The following MMRN1 variants were observed in gnomAD, a reference collection of about 807,000 sequenced individuals.
MMRN1 encodes the protein multimerin 1.
In MMRN1, 94 loss-of-function variants were observed where a neutral mutation model predicts 100.7. The observed-to-expected ratio is 0.93, with a 90% CI of 0.79 to 1.11. The LOEUF is 1.11. Ranked by LOEUF, MMRN1 falls within the 50% of genes least tolerant of loss-of-function variation. The pLI, the probability that MMRN1 is intolerant of heterozygous loss-of-function variation, is 0.00. For missense variants in MMRN1, 1,606 were observed against 1,439.1 expected (o/e 1.12, Z -1.88); for synonymous variants, 575 against 505.0 (o/e 1.14, Z -1.86).
chr4:89,932,745 C>G (rs1722482258), intron 5 of MMRN1, among the ~76,000 whole-genome samples: 3 of 152,228 alleles, frequency 2.0e-5, no homozygotes, highest in African/African-American at 4.8e-5. Context: ...CTTGAAACAG[C>G]ACAAAGCAGC....
At chr4:89,888,639 C>G (rs929512527) in intron 1 of MMRN1, among the ~76,000 whole-genome samples, 1 of 151,884 alleles carries the variant, frequency 6.6e-6, no homozygotes, top group South Asian at 2.1e-4. Flanking sequence ...ACATATTCAT[C>G]TTTTTTGTGT....
At chr4:89,924,530 A>G (rs1722184631) in intron 4 of MMRN1, among the ~76,000 whole-genome samples, 1 of 151,350 alleles carries the variant, frequency 6.6e-6, no homozygotes, top group South Asian at 2.1e-4. Context: ...ATATATATAT[A>G]TTAATTTTTA....
intron 1 of MMRN1, among the ~76,000 whole-genome samples, chr4:89,883,299 C>G (rs899215971): frequency 6.6e-6 from 1 of 152,012 alleles, no homozygotes; most frequent in Admixed American, 6.6e-5. Flanking sequence ...GAATTTTCAA[C>G]TTTATAATTG....
chr4:89,881,334 G>A (rs1720810129), intron 1 of MMRN1, among the ~76,000 whole-genome samples: 1 of 151,978 alleles, frequency 6.6e-6, no homozygotes, highest in South Asian at 2.1e-4. Flanking sequence ...TTAAATGTAG[G>A]ACCTGCTTAT....
At chr4:89,902,495 A>C (rs1721424906) in intron 1 of MMRN1, among the ~76,000 whole-genome samples, 1 of 151,936 alleles carries the variant, frequency 6.6e-6, no homozygotes, top group Non-Finnish European at 1.5e-5. Flanking sequence ...AAATTGGAAA[A>C]TAGGTTGGAT....
chr4:89,917,453 C>A (rs1721957110), intron 3 of MMRN1, among the ~76,000 whole-genome samples: 1 of 151,690 alleles, frequency 6.6e-6, no homozygotes, highest in African/African-American at 2.4e-5. Context: ...GGGGCAGCAG[C>A]CACAGTCAAT....
intron 6 of MMRN1, among the ~76,000 whole-genome samples, chr4:89,944,904 G>A (rs1722940646): frequency 6.6e-6 from 1 of 152,134 alleles, no homozygotes; most frequent in Non-Finnish European, 1.5e-5. Context: ...AATGTTGATA[G>A]ATAGCCTATG....
At chr4:89,939,937 A>T (rs1246480529) in intron 6 of MMRN1, among the ~76,000 whole-genome samples, 1 of 152,088 alleles carries the variant, frequency 6.6e-6, no homozygotes, top group East Asian at 1.9e-4. Context: ...TAGTCACAAG[A>T]TCTTCCTTTG....
intron 2 of MMRN1, 125 bp from the exon 3 acceptor site, chr4:89,911,819 G>A: frequency 3.2e-6 from 2 of 624,804 alleles, no homozygotes; most frequent in South Asian, 3.8e-5. Flanking sequence ...GATTATAACA[G>A]CCGATACTAA....
chr4:89,938,087 G>A (rs1022355893), intron 6 of MMRN1, among the ~76,000 whole-genome samples: 2 of 151,654 alleles, frequency 1.3e-5, no homozygotes, highest in African/African-American at 2.4e-5. Flanking sequence ...TAATTACAAA[G>A]GATGATCATT....
At chr4:89,942,709 T>C (rs1194337566) in intron 6 of MMRN1, among the ~76,000 whole-genome samples, 1 of 152,114 alleles carries the variant, frequency 6.6e-6, no homozygotes, top group Non-Finnish European at 1.5e-5. Context: ...TCAATATTAA[T>C]AAATCTAAAC....
chr4:89,951,588 T>G lies in MMRN1; in HGVS notation c.3119-17T>G. On this transcript the variant is annotated splice_polypyrimidine_tract_variant and intron_variant, in intron 6 of 7. Coordinates refer to ENST00000264790, the MANE Select transcript of MMRN1 (RefSeq NM_007351.3). ...GTCACTTTATTCTCTTTTACCTTGA[T>G]TCTTTTTCCGTAACAGAGGAGTATT... is the stretch of plus-strand genomic sequence containing the variant. 1 of 1,460,892 alleles carries G rather than the reference T, an allele frequency of 6.8e-7. No homozygotes were observed. The highest frequency in any genetic ancestry group is 2.6e-5 in the East Asian group (1 of 38,400). 90.5% of individuals were successfully genotyped at this position (1,460,892 alleles called of 1,614,324 possible). A position where few individuals can be genotyped will look rare whatever the true frequency, so the allele number is the denominator to read the frequency against.
At chr4:89,938,384 T>C (rs529048529) in intron 6 of MMRN1, among the ~76,000 whole-genome samples, 1 of 149,698 alleles carries the variant, frequency 6.7e-6, no homozygotes, top group African/African-American at 2.4e-5. Context: ...CTATTTCCAT[T>C]ATTGGTCTTC....
At chr4:89,895,629 G>A (rs549772878) in intron 1 of MMRN1, 35 bp downstream of exon 1, 3 of 1,571,312 alleles carry the variant, frequency 1.9e-6, no homozygotes, top group East Asian at 4.6e-5. Flanking sequence ...TTCTTTCTCT[G>A]TCTATCAGGT....
intron 5 of MMRN1, among the ~76,000 whole-genome samples, chr4:89,933,374 G>A (rs1315983447): frequency 1.3e-5 from 2 of 152,048 alleles, no homozygotes; most frequent in African/African-American, 2.4e-5. Context: ...ACCTCTGCCC[G>A]TTACCCAGTT....
In MMRN1 at chr4:89,953,011, T is replaced by C. The variant is rs780029328; in HGVS notation, c.3280T>C (p.Ser1094Pro). The change falls in exon 8 of 8, where the codon TCT becomes CCT. Residue 1094 changes from serine to proline, a missense_variant. Ser to Pro is a moderately conservative substitution (Grantham distance 74). Coordinates refer to ENST00000264790, the MANE Select transcript of MMRN1 (RefSeq NM_007351.3). ...NALAPDFSKG[S>P]YRYAPMVAFF... ...TCCTCTAACAGATTTTTCCAAAGGATCTTACAGATATGCACCCATGGTGGC... is the reference window on the plus strand; with the variant it reads ...TCCTCTAACAGATTTTTCCAAAGGACCTTACAGATATGCACCCATGGTGGC... 9.5e-6 allele frequency: 15 copies of C among 1,585,002 alleles called. No homozygotes were observed. The highest frequency in any genetic ancestry group is 1.3e-5 in the Non-Finnish European group (15 of 1,166,464).
At chr4:89,944,848 C>T (rs1036510822) in intron 6 of MMRN1, among the ~76,000 whole-genome samples, 6 of 152,106 alleles carry the variant, frequency 3.9e-5, no homozygotes, top group East Asian at 1.9e-4. Flanking sequence ...TGAAACAACG[C>T]GAGTTTATTT....
chr4:89,901,564 T>G (rs1474123204), intron 1 of MMRN1, among the ~76,000 whole-genome samples: 2 of 152,052 alleles, frequency 1.3e-5, no homozygotes, highest in African/African-American at 4.8e-5. Context: ...AAGTTATTAT[T>G]AGGCCTAATA....
At chr4:89,884,443 G>C (rs1720891245) in intron 1 of MMRN1, among the ~76,000 whole-genome samples, 1 of 152,042 alleles carries the variant, frequency 6.6e-6, no homozygotes, top group Non-Finnish European at 1.5e-5. Flanking sequence ...ATGGGTTTTT[G>C]ATGCCATTAT....
Sources: allele counts gnomAD v4.1 joint callset (sites outside exome capture counted in the v4.1 genomes callset), GRCh38; gene constraint gnomAD v4.1.1; transcripts MANE v1.5; gene names NCBI Gene and HGNC (gene_info 2026-07-23, HGNC 2026-07-21).